GPR137B: variants seen among roughly 807,000 people sequenced by gnomAD.
The protein encoded by GPR137B is G protein-coupled receptor 137B.
GPR137B carries 42 observed loss-of-function variants against 42.5 expected under a neutral mutation model. That is an observed-to-expected ratio of 0.99 (90% confidence interval 0.77 to 1.28). GPR137B has a LOEUF of 1.28. Ranked by LOEUF, GPR137B falls within the 50% of genes most tolerant of loss-of-function variation. The probability of loss-of-function intolerance (pLI) is 0.00; values close to 1 mark genes in which losing one functional copy is unlikely to be tolerated. For missense variants in GPR137B, 487 were observed against 493.9 expected (o/e 0.99, Z 0.13); for synonymous variants, 218 against 209.7 (o/e 1.04, Z -0.34).
At chr1:236,194,897 G>C (rs1663292225) in intron 5 of GPR137B, among the ~76,000 whole-genome samples, 1 of 152,168 alleles carries the variant, frequency 6.6e-6, no homozygotes, top group African/African-American at 2.4e-5. Flanking sequence ...CCATTGTTAT[G>C]ACTGCTCTCA....
intron 5 of GPR137B, among the ~76,000 whole-genome samples, chr1:236,192,741 G>A (rs1173770417): frequency 6.6e-6 from 1 of 152,110 alleles, no homozygotes; most frequent in Non-Finnish European, 1.5e-5. Flanking sequence ...CCCACCTTCT[G>A]TGTCGATCTC....
intron 1 of GPR137B, among the ~76,000 whole-genome samples, chr1:236,146,043 A>C (rs1169358164): frequency 6.6e-6 from 1 of 151,970 alleles, no homozygotes; most frequent in Non-Finnish European, 1.5e-5. Context: ...TTTTTAGTAG[A>C]GATGGAGTTT....
intron 2 of GPR137B, among the ~76,000 whole-genome samples, chr1:236,174,073 T>C (rs1662619626): frequency 6.6e-6 from 1 of 152,198 alleles, no homozygotes; most frequent in Non-Finnish European, 1.5e-5. Context: ...TATTCCATTA[T>C]AGGTTTTTAT....
In GPR137B at chr1:236,156,003, A is replaced by G. The variant is rs1317102455; in HGVS notation, c.415-12703A>G. On this transcript the variant is annotated intron_variant, in intron 1 of 6. Coordinates refer to ENST00000366592, the MANE Select transcript of GPR137B (RefSeq NM_003272.4). This position sits in a 1 kb window ranked among gnomAD's most constrained non-coding sequence, Gnocchi z 4.8. ...CACGCGCGCGCGCAAACACACATGC[A>G]TACACCTGAGGAAGGATCATAGGCG... is the stretch of plus-strand genomic sequence containing the variant. Among the ~76,000 whole-genome samples the G allele has an allele frequency of 1.3e-5, 2 of 152,182 alleles. No individual in the cohort carries two copies. Among genetic ancestry groups the G allele is most frequent in the African/African-American group, 4.8e-5 (2 of 41,448 alleles).
rs1405128961 is a variant in GPR137B, at chr1:236,151,417, C to CCTTTTTTTTTTTTTTTTT, written c.414+8381_414+8382insCTTTTTTTTTTTTTTTTT. 4.0e-5 allele frequency among the ~76,000 whole-genome samples: 5 copies of CCTTTTTTTTTTTTTTTTT among 126,570 alleles called. 1 individual carries two copies. Among genetic ancestry groups the CCTTTTTTTTTTTTTTTTT allele is most frequent in the African/African-American group, 9.1e-5 (3 of 32,916 alleles). The allele number at this position is 126,570 out of a possible 152,430, so 83.0% of individuals were successfully genotyped here. A position where few individuals can be genotyped will look rare whatever the true frequency, so the allele number is the denominator to read the frequency against. On this transcript the variant is annotated intron_variant, in intron 1 of 6. Transcript: ENST00000366592. ...CCACATATGGTCTCTGTTGCATATT[C>CCTTTTTTTTTTTTTTTTT]ATTTTTTTTTTTTTTTTTTTTTTTT...
chr1:236,162,530 C>T (rs910191622), intron 1 of GPR137B, among the ~76,000 whole-genome samples: 1 of 152,212 alleles, frequency 6.6e-6, no homozygotes, highest in East Asian at 1.9e-4. Context: ...CATGGCAGCC[C>T]TTCCCATCAT....
chr1:236,192,265 T>G (rs543939095), intron 5 of GPR137B, among the ~76,000 whole-genome samples: 4 of 152,148 alleles, frequency 2.6e-5, no homozygotes, highest in South Asian at 4.1e-4. Flanking sequence ...CTGGGCTCCG[T>G]TGGGGTGGGA....
At chr1:236,203,646 C>G (rs2102926791) in intron 5 of GPR137B, among the ~76,000 whole-genome samples, 1 of 152,250 alleles carries the variant, frequency 6.6e-6, no homozygotes, top group Non-Finnish European at 1.5e-5. Context: ...TCCTCCAATC[C>G]ATGAACAGAA....
intron 4 of GPR137B, among the ~76,000 whole-genome samples, chr1:236,180,512 C>T (rs763366497): frequency 1.3e-5 from 2 of 152,142 alleles, no homozygotes; most frequent in Non-Finnish European, 2.9e-5. Flanking sequence ...ACAGCACCTG[C>T]CTTGTTCCCT....
At chr1:236,168,331 G>GAA (rs1465220855) in intron 1 of GPR137B, among the ~76,000 whole-genome samples, 1 of 150,638 alleles carries the variant, frequency 6.6e-6, no homozygotes, top group Non-Finnish European at 1.5e-5. Context: ...GCTGAGGCAG[G>GAA]AAAATCACTT....
At chr1:236,196,348 C>T (rs1355360136) in intron 5 of GPR137B, among the ~76,000 whole-genome samples, 1 of 152,134 alleles carries the variant, frequency 6.6e-6, no homozygotes, top group Non-Finnish European at 1.5e-5. Context: ...CCGTGTTGGC[C>T]AGCCTGGTCT....
chr1:236,173,079 G>A (rs1192326473), intron 2 of GPR137B, among the ~76,000 whole-genome samples: 1 of 151,376 alleles, frequency 6.6e-6, no homozygotes, highest in Non-Finnish European at 1.5e-5. Context: ...CATCACTTGA[G>A]CCCAGGAGTT....
intron 1 of GPR137B, among the ~76,000 whole-genome samples, chr1:236,153,619 G>A (rs748176865): frequency 1.3e-5 from 2 of 152,166 alleles, no homozygotes; most frequent in Non-Finnish European, 2.9e-5. Context: ...TTAGATTCTC[G>A]CTGCGTGGAA....
chr1:236,142,580 T>C lies in GPR137B; in HGVS notation c.-43T>C. 1 of 1,188,558 alleles carries C rather than the reference T, an allele frequency of 8.4e-7. No individual in the cohort carries two copies. Among genetic ancestry groups the C allele is most frequent in the East Asian group, 3.3e-5 (1 of 30,102 alleles). 73.6% of individuals were successfully genotyped at this position (1,188,558 alleles called of 1,614,324 possible). On this transcript the variant is annotated 5_prime_UTR_variant, in exon 1 of 7. The change abolishes an upstream ATG in the 5' untranslated region. Coordinates refer to ENST00000366592, the MANE Select transcript of GPR137B (RefSeq NM_003272.4). The stretch of plus-strand genomic sequence containing the variant: ...TCTCGGGGCTGCAGGCTGAGCGCGA[T>C]GCGCGGAGACCCCCGCGGGGGCGGC...
intron 5 of GPR137B, among the ~76,000 whole-genome samples, chr1:236,188,556 T>C (rs1334153261): frequency 6.6e-6 from 1 of 152,248 alleles, no homozygotes; most frequent in Admixed American, 6.5e-5. Context: ...CGAAGGTCTT[T>C]TCTGCATCTA....
intron 2 of GPR137B, among the ~76,000 whole-genome samples, chr1:236,175,712 TA>T (rs903188716): frequency 7.2e-5 from 11 of 152,148 alleles, no homozygotes; most frequent in Admixed American, 6.5e-4. Flanking sequence ...ATGAAAACCG[TA>T]ATACCTCCCT....
intron 1 of GPR137B, among the ~76,000 whole-genome samples, chr1:236,166,409 T>C (rs1662354369): frequency 6.8e-6 from 1 of 147,146 alleles, no homozygotes; most frequent in Admixed American, 6.8e-5. Flanking sequence ...GAAGGGTCAC[T>C]GTACTGAGCC....
chr1:236,163,266 G>T (rs1156632835), intron 1 of GPR137B, among the ~76,000 whole-genome samples: 1 of 152,212 alleles, frequency 6.6e-6, no homozygotes, highest in Non-Finnish European at 1.5e-5. Context: ...CCCAATGCCT[G>T]TATCTCCATT....
rs1193900882 is a variant in GPR137B, at chr1:236,155,924, G to GGT, written c.415-12780_415-12779dup. On this transcript the variant is annotated intron_variant, in intron 1 of 6. Transcript: ENST00000366592. This position sits in a 1 kb window ranked among gnomAD's most constrained non-coding sequence, Gnocchi z 4.6. ...TGGGAGCTGAGCTCCTGCCTTGTGGGGTGCACATGCACAAACATGCACACA... is the reference window on the plus strand; with the variant it reads ...TGGGAGCTGAGCTCCTGCCTTGTGGGGTGTGCACATGCACAAACATGCACACA... Among the ~76,000 whole-genome samples, 1 of 152,158 alleles carries GGT rather than the reference G, an allele frequency of 6.6e-6. No homozygotes were observed. The highest frequency in any genetic ancestry group is 1.9e-4 in the East Asian group (1 of 5,190).
Sources: allele counts gnomAD v4.1 joint callset (sites outside exome capture counted in the v4.1 genomes callset), GRCh38; gene constraint gnomAD v4.1.1; non-coding constraint Gnocchi (gnomAD v3.1); transcripts MANE v1.5; gene names NCBI Gene and HGNC (gene_info 2026-07-23, HGNC 2026-07-21).